The following SIPA1L1 variants were observed in gnomAD, a reference collection of about 807,000 sequenced individuals.
SIPA1L1 encodes signal-induced proliferation-associated 1-like protein 1.
In SIPA1L1, 26 loss-of-function variants were observed where a neutral mutation model predicts 162.7. That is an observed-to-expected ratio of 0.16 (90% CI 0.12 to 0.22). The LOEUF is 0.22. SIPA1L1 is among the 10% of genes least tolerant of loss of function. The pLI is 1.00. For synonymous variants in SIPA1L1, 829 were observed against 837.4 expected (o/e 0.99, Z 0.17); for missense variants, 1,874 against 2,241.0 (o/e 0.84, Z 3.31).
In SIPA1L1 at chr14:71,739,609, G is replaced by A. The variant is rs2085623695; in HGVS notation, c.*448G>A. The A allele has an allele frequency of 1.3e-5, 2 of 152,390 alleles. No homozygotes were observed. 9.4% of individuals were successfully genotyped at this position (152,390 alleles called of 1,614,324 possible). ...AAAGAATGTTTTTATAACTTGTTTG[G>A]GGAGTAGAGAGGGATATTTCCTTAC... is the stretch of plus-strand genomic sequence containing the variant. On this transcript the variant is annotated 3_prime_UTR_variant, in exon 24 of 24. Transcript: ENST00000381232.
intron 2 of SIPA1L1, among the ~76,000 whole-genome samples, chr14:71,383,946 CTTGT>C (rs1044594082): frequency 9.9e-5 from 15 of 152,156 alleles, no homozygotes; most frequent in African/African-American, 3.1e-4. Flanking sequence ...AACTTCTTTG[CTTGT>C]TTATTACCTA....
chr14:71,704,610 A>C (rs2082313299), intron 15 of SIPA1L1: 1 of 734,158 alleles, frequency 1.4e-6, no homozygotes, highest in Non-Finnish European at 2.4e-6. Context: ...TGGAGGATAA[A>C]TTCTTTATCT....
At chr14:71,331,086 A>G (rs1038794422) in intron 2 of SIPA1L1, among the ~76,000 whole-genome samples, 4 of 152,218 alleles carry the variant, frequency 2.6e-5, no homozygotes, top group Admixed American at 6.5e-5. Context: ...TATGTATAGT[A>G]TAAGGGTCCA....
At chr14:71,557,091 C>T (rs1210734622) in intron 4 of SIPA1L1, among the ~76,000 whole-genome samples, 1 of 152,210 alleles carries the variant, frequency 6.6e-6, no homozygotes, top group Admixed American at 6.5e-5. Context: ...ACCAATATAG[C>T]TATCATAACA....
At chr14:71,645,048 G>T (rs554545930) in intron 7 of SIPA1L1, among the ~76,000 whole-genome samples, 1 of 152,314 alleles carries the variant, frequency 6.6e-6, no homozygotes, top group Non-Finnish European at 1.5e-5. Context: ...CTTTCCGGGG[G>T]CTCTAAGGGT....
intron 14 of SIPA1L1, 137 bp downstream of exon 14, chr14:71,699,264 T>C (rs2081904559): frequency 2.4e-6 from 2 of 836,766 alleles, no homozygotes; most frequent in Non-Finnish European, 3.7e-6. Context: ...ACGTAGTTAA[T>C]AATCCAGATA....
intron 2 of SIPA1L1, among the ~76,000 whole-genome samples, chr14:71,453,349 G>T (rs566323263): frequency 6.6e-6 from 1 of 152,192 alleles, no homozygotes; most frequent in Admixed American, 6.5e-5. Context: ...CTGCAGCCTT[G>T]ACCTCCCGGG....
At chr14:71,660,622 A>G (rs982479162) in intron 9 of SIPA1L1, among the ~76,000 whole-genome samples, 20 of 152,258 alleles carry the variant, frequency 1.3e-4, no homozygotes, top group Middle Eastern at 3.4e-3. Flanking sequence ...AGAAACACAA[A>G]TTTTGTTTGG....
At chr14:71,505,741 G>A (rs573775718) in intron 2 of SIPA1L1, among the ~76,000 whole-genome samples, 1 of 152,026 alleles carries the variant, frequency 6.6e-6, no homozygotes, top group Non-Finnish European at 1.5e-5. Flanking sequence ...CCAACATGAT[G>A]CCGCACGTGG....
At chr14:71,629,397 G>T (rs1477530890) in intron 7 of SIPA1L1, among the ~76,000 whole-genome samples, 1 of 152,192 alleles carries the variant, frequency 6.6e-6, no homozygotes, top group Non-Finnish European at 1.5e-5. Flanking sequence ...ATTAGAGTCT[G>T]TGCAGGCTGG....
At chr14:71,550,278 A>T (rs1338854401) in intron 4 of SIPA1L1, among the ~76,000 whole-genome samples, 1 of 152,148 alleles carries the variant, frequency 6.6e-6, no homozygotes, top group African/African-American at 2.4e-5. Flanking sequence ...TTAAGTTTAA[A>T]AAAGCCAAAG....
At chr14:71,626,251 T>A (rs949861994) in intron 7 of SIPA1L1, among the ~76,000 whole-genome samples, 1 of 152,206 alleles carries the variant, frequency 6.6e-6, no homozygotes, top group African/African-American at 2.4e-5. Flanking sequence ...GCCTTAAATA[T>A]GTCATCCCGT....
At chr14:71,736,351 C>T (rs1366606883) in intron 22 of SIPA1L1, among the ~76,000 whole-genome samples, 3 of 152,104 alleles carry the variant, frequency 2.0e-5, no homozygotes, top group African/African-American at 4.8e-5. Flanking sequence ...GAGCCAAGAT[C>T]GCACCACTGT....
At chr14:71,438,523 A>G (rs1476479868) in intron 2 of SIPA1L1, among the ~76,000 whole-genome samples, 1 of 152,154 alleles carries the variant, frequency 6.6e-6, no homozygotes, top group Non-Finnish European at 1.5e-5. Flanking sequence ...CGCTCCCAAT[A>G]TCTTTGCAGT....
intron 2 of SIPA1L1, among the ~76,000 whole-genome samples, chr14:71,480,928 A>G (rs2048308396): frequency 6.6e-6 from 1 of 152,236 alleles, no homozygotes; most frequent in Admixed American, 6.5e-5. Flanking sequence ...TACTAAAAAA[A>G]TTAACAATTT....
chr14:71,448,256 A>G (rs1446877534), intron 2 of SIPA1L1, among the ~76,000 whole-genome samples: 2 of 152,158 alleles, frequency 1.3e-5, no homozygotes, highest in African/African-American at 4.8e-5. Flanking sequence ...TAGCAATAAC[A>G]TCATCCACAC....
intron 4 of SIPA1L1, among the ~76,000 whole-genome samples, chr14:71,551,636 G>A (rs756785478): frequency 7.9e-5 from 12 of 152,228 alleles, no homozygotes; most frequent in Non-Finnish European, 1.3e-4. Context: ...TCATGAGACA[G>A]TGATGTGGAA....
At chr14:71,564,082 G>A (rs1027317404) in intron 4 of SIPA1L1, among the ~76,000 whole-genome samples, 1 of 152,028 alleles carries the variant, frequency 6.6e-6, no homozygotes, top group South Asian at 2.1e-4. Flanking sequence ...AAGTAGTAGG[G>A]ACTACAGGCG....
At chr14:71,705,140 C>G in intron 15 of SIPA1L1, 82 bp from the exon 16 acceptor site, 1 of 956,012 alleles carries the variant, frequency 1.0e-6, no homozygotes, top group Non-Finnish European at 1.7e-6. Context: ...CTGAAAGATG[C>G]AATGGCAAGC....
Sources: gnomAD v4.1 joint callset for allele counts (sites outside exome capture counted in the v4.1 genomes callset) on GRCh38, gnomAD v4.1.1 for gene constraint, MANE v1.5 for transcripts, NCBI Gene and HGNC (gene_info 2026-07-23, HGNC 2026-07-21) for gene names.